TUT4: variants seen among roughly 807,000 people sequenced by gnomAD.
TUT4 encodes terminal uridylyltransferase 4.
A neutral mutation model predicts 192.2 loss-of-function variants in TUT4; 36 were observed. The observed-to-expected ratio is 0.19, with a 90% CI of 0.14 to 0.25. TUT4 has a LOEUF of 0.25. Ranked by LOEUF, TUT4 falls within the 10% of genes least tolerant of loss-of-function variation. The pLI, the probability that TUT4 is intolerant of heterozygous loss-of-function variation, is 1.00. For missense variants in TUT4, 1,493 were observed against 1,957.2 expected, an observed-to-expected ratio of 0.76 and a Z score of 4.47; for synonymous variants, 618 against 666.0, an observed-to-expected ratio of 0.93 and a Z score of 1.11.
intron 20 of TUT4, among the ~76,000 whole-genome samples, chr1:52,457,193 C>T (rs916058399): frequency 2.2e-4 from 33 of 152,040 alleles, no homozygotes; most frequent in African/African-American, 8.0e-4. Flanking sequence ...GGCTATCTGA[C>T]ACCTACTATA....
At chr1:52,525,313 T>C (rs1471617157) in intron 2 of TUT4, among the ~76,000 whole-genome samples, 2 of 152,122 alleles carry the variant, frequency 1.3e-5, no homozygotes, top group Non-Finnish European at 2.9e-5. Context: ...CTAAAGAAGA[T>C]ACTAAATTTT....
At chr1:52,516,448 G>C (rs750411874) in intron 2 of TUT4, among the ~76,000 whole-genome samples, 2 of 152,162 alleles carry the variant, frequency 1.3e-5, no homozygotes, top group Non-Finnish European at 2.9e-5. Context: ...AAATTCACTA[G>C]CAATTAAAAC....
chr1:52,424,717 A>G (rs1283603284), intron 29 of TUT4: 4 of 152,250 alleles, frequency 2.6e-5, no homozygotes, highest in Admixed American at 2.0e-4. Flanking sequence ...GCAGAACATA[A>G]TAAATTTTAA....
chr1:52,488,530 C>A (rs1407699280), intron 9 of TUT4, among the ~76,000 whole-genome samples: 1 of 152,076 alleles, frequency 6.6e-6, no homozygotes, highest in Non-Finnish European at 1.5e-5. Flanking sequence ...TTCTTAGAGA[C>A]TGGGGAAAAA....
intron 1 of TUT4, among the ~76,000 whole-genome samples, chr1:52,544,454 A>G (rs1687556078): frequency 6.6e-6 from 1 of 152,246 alleles, no homozygotes; most frequent in East Asian, 1.9e-4. Flanking sequence ...CAGTCTTTTC[A>G]GCAAATGGCG....
intron 8 of TUT4, 92 bp downstream of exon 8, chr1:52,490,639 TA>T: frequency 9.2e-7 from 1 of 1,086,126 alleles, no homozygotes; most frequent in Non-Finnish European, 1.3e-6. Flanking sequence ...AGGAGAAATC[TA>T]AAACAAAAAC....
At chr1:52,549,730 T>A (rs1688928881) in intron 1 of TUT4, among the ~76,000 whole-genome samples, 1 of 152,142 alleles carries the variant, frequency 6.6e-6, no homozygotes. Flanking sequence ...AGCAAATCAC[T>A]AACCTCTGTG....
chr1:52,445,569 T>C (rs1657305780), intron 24 of TUT4, among the ~76,000 whole-genome samples: 1 of 152,224 alleles, frequency 6.6e-6, no homozygotes, highest in Non-Finnish European at 1.5e-5. Context: ...GTGGGGCTTA[T>C]AGTCTAGTGG....
chr1:52,456,753 T>C (rs1452517460), intron 20 of TUT4, among the ~76,000 whole-genome samples: 1 of 152,182 alleles, frequency 6.6e-6, no homozygotes, highest in African/African-American at 2.4e-5. Flanking sequence ...GATACTGTAA[T>C]GGCATATATT....
intron 25 of TUT4, 56 bp downstream of exon 25, chr1:52,438,164 C>T: frequency 7.6e-7 from 1 of 1,323,342 alleles, no homozygotes; most frequent in South Asian, 1.2e-5. Context: ...ATTATAGCTA[C>T]AAATTGGCCT....
intron 3 of TUT4, among the ~76,000 whole-genome samples, chr1:52,510,385 A>G (rs1450591741): frequency 6.6e-6 from 1 of 151,840 alleles, no homozygotes; most frequent in Non-Finnish European, 1.5e-5. Flanking sequence ...TGTTGTCCCC[A>G]AAACTGATTT....
At chr1:52,494,970 T>G (rs1672099883) in intron 6 of TUT4, among the ~76,000 whole-genome samples, 1 of 152,110 alleles carries the variant, frequency 6.6e-6, no homozygotes, top group Non-Finnish European at 1.5e-5. Flanking sequence ...TACCCATATG[T>G]ACCAGATACT....
At chr1:52,506,031 T>C (rs1041218946) in intron 4 of TUT4, among the ~76,000 whole-genome samples, 1 of 152,106 alleles carries the variant, frequency 6.6e-6, no homozygotes, top group Admixed American at 6.5e-5. Flanking sequence ...TTGGCCAGGC[T>C]GGTCTCGAAC....
chr1:52,429,583 T>A (rs116418068), intron 28 of TUT4, among the ~76,000 whole-genome samples: 3,176 of 150,672 alleles, frequency 0.021, 62 homozygotes, highest in East Asian at 0.058. Context: ...TACTTTTTTT[T>A]AATTTTATTT....
chr1:52,532,775 C>A (rs934123936), intron 1 of TUT4, among the ~76,000 whole-genome samples: 5 of 152,166 alleles, frequency 3.3e-5, no homozygotes, highest in Non-Finnish European at 7.3e-5. Context: ...CACAGTTAAG[C>A]CAACTATACT....
Position 52,423,992 on chromosome 1 carries a change from G to T in TUT4, c.4881C>A (p.Ala1627=). 1.9e-6 allele frequency: 3 copies of T among 1,611,524 alleles called. No homozygotes were observed. The highest frequency in any genetic ancestry group is 2.5e-6 in the Non-Finnish European group (3 of 1,178,894). Residue 1627 remains alanine, a synonymous_variant, in exon 30 of 30, where the codon GCC becomes GCA. Transcript: ENST00000257177. ...NKPFYTQDRC[A]TRRCRERCPH... ...GACAACGCTCTCTACACCGACGGGT[G>T]GCACATCTGTCTGTTGGATACAACA...
chr1:52,520,389 AAG>A (rs1277232357), intron 2 of TUT4, among the ~76,000 whole-genome samples: 1 of 152,226 alleles, frequency 6.6e-6, no homozygotes, highest in Non-Finnish European at 1.5e-5. Flanking sequence ...AGGGTGATGT[AAG>A]TGAAAGTAAG....
At chr1:52,499,073 T>C (rs958833159) in intron 4 of TUT4, among the ~76,000 whole-genome samples, 2 of 150,868 alleles carry the variant, frequency 1.3e-5, no homozygotes, top group African/African-American at 2.4e-5. Context: ...TCACACTTAC[T>C]GGCTGCAAAA....
At chr1:52,465,941 C>G (rs1045188639) in intron 15 of TUT4, among the ~76,000 whole-genome samples, 1 of 151,914 alleles carries the variant, frequency 6.6e-6, no homozygotes, top group Non-Finnish European at 1.5e-5. Context: ...TATTCACAGG[C>G]ACAATCATTA....
Sources: allele counts gnomAD v4.1 joint callset (sites outside exome capture counted in the v4.1 genomes callset), GRCh38; gene constraint gnomAD v4.1.1; transcripts MANE v1.5; gene names NCBI Gene and HGNC (gene_info 2026-07-23, HGNC 2026-07-21).